MGLL: variants seen among roughly 807,000 people sequenced by gnomAD.
MGLL encodes the protein lysophospholipase homolog.
In MGLL, 7 loss-of-function variants were observed where a neutral mutation model predicts 29.1. The observed-to-expected ratio is 0.24, with a 90% CI of 0.14 to 0.45. The LOEUF is 0.45. Ranked by LOEUF, MGLL falls within the 20% of genes least tolerant of loss-of-function variation. MGLL has a pLI of 0.99. For missense variants in MGLL, 356 were observed against 413.6 expected, an observed-to-expected ratio of 0.86 and a Z score of 1.21; for synonymous variants, 148 against 168.3, an observed-to-expected ratio of 0.88 and a Z score of 0.93.
chr3:127,821,678 TC>T lies in MGLL; in HGVS notation c.155+15del. The T allele has an allele frequency of 6.2e-7, 1 of 1,613,922 alleles. No homozygotes were observed. Among genetic ancestry groups the T allele is most frequent in the Non-Finnish European group, 8.5e-7 (1 of 1,179,812 alleles). On this transcript the variant is annotated intron_variant, in intron 2 of 7. Coordinates refer to ENST00000265052, the MANE Select transcript of MGLL (RefSeq NM_007283.7). ...GCTCCCCTGTCACCTGGGGTGACTTTCTGGGGAAGACTTACTTGGGTGTGCC... is the reference window on the plus strand; with the variant it reads ...GCTCCCCTGTCACCTGGGGTGACTTTTGGGGAAGACTTACTTGGGTGTGCC...
intron 7 of MGLL, 73 bp downstream of exon 7, chr3:127,694,902 T>C: frequency 2.0e-6 from 3 of 1,492,862 alleles, no homozygotes. Flanking sequence ...TCTGGGCAGA[T>C]GTGCCCCAAG....
At chr3:127,701,823 T>A (rs773418465) in intron 6 of MGLL, among the ~76,000 whole-genome samples, 11 of 152,276 alleles carry the variant, frequency 7.2e-5, no homozygotes, top group Middle Eastern at 3.4e-3. Context: ...ACCATCCCCT[T>A]CCACGGCCTT....
chr3:127,734,573 G>A (rs534187257), intron 3 of MGLL, among the ~76,000 whole-genome samples: 1 of 152,150 alleles, frequency 6.6e-6, no homozygotes, highest in East Asian at 1.9e-4. Flanking sequence ...GCTGCACAGG[G>A]GCCCTGCAGG....
At chr3:127,717,003 G>C (rs2075828769) in intron 5 of MGLL, among the ~76,000 whole-genome samples, 1 of 152,192 alleles carries the variant, frequency 6.6e-6, no homozygotes, top group Admixed American at 6.5e-5. Flanking sequence ...AAGATGTGTG[G>C]CAGGAGGCTT....
intron 3 of MGLL, among the ~76,000 whole-genome samples, chr3:127,745,203 A>T (rs1420891986): frequency 1.3e-5 from 2 of 152,226 alleles, no homozygotes; most frequent in Non-Finnish European, 2.9e-5. Flanking sequence ...TTAAATGAGG[A>T]GGCAAGTGAA....
chr3:127,710,941 T>G, intron 5 of MGLL: 1 of 475,850 alleles, frequency 2.1e-6, no homozygotes, highest in East Asian at 4.1e-5. Context: ...GCCCGCTCTA[T>G]ACCCTCCCCA....
chr3:127,721,485 T>A (rs9817523), intron 4 of MGLL, among the ~76,000 whole-genome samples: 1 of 140,286 alleles, frequency 7.1e-6, no homozygotes, highest in South Asian at 2.4e-4. Context: ...AATTCATCCA[T>A]CCCGACAGGC....
At chr3:127,816,572 C>G (rs902143084) in intron 2 of MGLL, among the ~76,000 whole-genome samples, 7 of 152,150 alleles carry the variant, frequency 4.6e-5, no homozygotes, top group African/African-American at 1.4e-4. Flanking sequence ...GAGGATATTA[C>G]GAGGACGCAA....
intron 6 of MGLL, 124 bp downstream of exon 6, chr3:127,710,452 C>T (rs1447431317): frequency 1.1e-6 from 1 of 933,654 alleles, no homozygotes; most frequent in Non-Finnish European, 1.7e-6. Context: ...CCACTGTGTC[C>T]TTGTCACTTT....
chr3:127,741,451 C>G (rs1048897570), intron 3 of MGLL, among the ~76,000 whole-genome samples: 43 of 152,340 alleles, frequency 2.8e-4, no homozygotes, highest in African/African-American at 8.7e-4. Context: ...ACCCCATCTC[C>G]CAGGAAAGAC....
chr3:127,782,425 GCAGAGCTC>G (rs914933290), intron 2 of MGLL, among the ~76,000 whole-genome samples: 11 of 152,118 alleles, frequency 7.2e-5, no homozygotes, highest in Non-Finnish European at 2.9e-5. Context: ...GAGCTCTCAG[GCAGAGCTC>G]CAGTCCCATG....
At chr3:127,714,142 A>G (rs922025024) in intron 5 of MGLL, 4 of 152,150 alleles carry the variant, frequency 2.6e-5, no homozygotes, top group African/African-American at 4.8e-5. Context: ...TTGCTTTAGA[A>G]AATGAACAAT....
chr3:127,807,751 T>C lies in MGLL; in HGVS notation c.155+13943A>G, dbSNP rs1435446893. 4.8e-3 allele frequency among the ~76,000 whole-genome samples: 16 copies of C among 3,342 alleles called. 1 individual carries two copies. Among genetic ancestry groups the C allele is most frequent in the African/African-American group, 7.0e-3 (15 of 2,150 alleles). 2.2% of individuals were successfully genotyped at this position (3,342 alleles called of 152,430 possible). ...TAATTTAGACATGCTGTGAAAAGTC[T>C]TTTTTTTTTTTTTTTTTTTTTTTTT... On this transcript the variant is annotated intron_variant, in intron 2 of 7. Transcript: ENST00000265052.
chr3:127,801,276 T>C (rs2077474135), intron 2 of MGLL, among the ~76,000 whole-genome samples: 1 of 119,530 alleles, frequency 8.4e-6, no homozygotes, highest in Non-Finnish European at 1.7e-5. Context: ...CACTCCAGCC[T>C]GGGCAACAAG....
At chr3:127,810,192 T>G (rs1199243807) in intron 2 of MGLL, among the ~76,000 whole-genome samples, 1 of 152,164 alleles carries the variant, frequency 6.6e-6, no homozygotes, top group Non-Finnish European at 1.5e-5. Context: ...AGAGAGAGGC[T>G]TCAGGAGAAA....
At chr3:127,736,204 A>G (rs2076239772) in intron 3 of MGLL, 4 of 1,006,398 alleles carry the variant, frequency 4.0e-6, no homozygotes, top group Non-Finnish European at 4.7e-6. Context: ...TATCACTTTA[A>G]AAAACAAAGA....
chr3:127,728,158 A>AAT (rs1391858353), intron 3 of MGLL, among the ~76,000 whole-genome samples: 1 of 152,222 alleles, frequency 6.6e-6, no homozygotes, highest in Non-Finnish European at 1.5e-5. Flanking sequence ...AACAGTCAGA[A>AAT]ATATATTAAA....
At chr3:127,785,920 C>T (rs2077204898) in intron 2 of MGLL, among the ~76,000 whole-genome samples, 2 of 152,194 alleles carry the variant, frequency 1.3e-5, no homozygotes, top group South Asian at 2.1e-4. Context: ...GGGAGCCCGA[C>T]CTAGACTCCA....
Position 127,689,709 on chromosome 3 carries a change from C to A in MGLL, c.*2489G>T, listed in dbSNP as rs879246351. The A allele has an allele frequency of 3.3e-5, 5 of 152,232 alleles. No homozygotes were observed. The highest frequency in any genetic ancestry group is 7.3e-5 in the Non-Finnish European group (5 of 68,058). The allele number at this position is 152,232 out of a possible 1,614,324, so 9.4% of individuals were successfully genotyped here. The stretch of plus-strand genomic sequence containing the variant: ...AGAGCTCAGAATGTCAGCACGGAGC[C>A]GTCAGTATCGAGAAGGAACTCAACG... On this transcript the variant is annotated 3_prime_UTR_variant, in exon 8 of 8. Coordinates refer to ENST00000265052, the MANE Select transcript of MGLL (RefSeq NM_007283.7).
Sources: gnomAD v4.1 joint callset for allele counts (sites outside exome capture counted in the v4.1 genomes callset) on GRCh38, gnomAD v4.1.1 for gene constraint, MANE v1.5 for transcripts, NCBI Gene and HGNC (gene_info 2026-07-23, HGNC 2026-07-21) for gene names.